PCDHGA1: variants seen among roughly 807,000 people sequenced by gnomAD.
The protein encoded by PCDHGA1 is protocadherin gamma subfamily A, 1.
In PCDHGA1, 32 loss-of-function variants were observed where a neutral mutation model predicts 58.0. That is an observed-to-expected ratio of 0.55 (90% confidence interval 0.42 to 0.74). The LOEUF (loss-of-function observed/expected upper bound fraction) is 0.74. Among genes scored for constraint, PCDHGA1 ranks in the 30% least tolerant of loss-of-function variants. PCDHGA1 has a pLI of 0.00. For missense variants in PCDHGA1, 1,205 were observed against 1,182.3 expected (o/e 1.02, Z -0.28); for synonymous variants, 498 against 501.1 (o/e 0.99, Z 0.08).
intron 1 of PCDHGA1, chr5:141,404,653 C>A (rs754039673): frequency 2.4e-5 from 39 of 1,614,206 alleles, no homozygotes; most frequent in Non-Finnish European, 3.1e-5. Flanking sequence ...ACCCTGCCCT[C>A]CCCACTGATG....
intron 1 of PCDHGA1, chr5:141,426,221 A>G (rs1279749881): frequency 6.3e-6 from 1 of 158,300 alleles, no homozygotes; most frequent in Non-Finnish European, 1.4e-5. Context: ...GGAAGTAAAT[A>G]TTTTAAAAGC....
intron 1 of PCDHGA1, chr5:141,423,114 A>G: frequency 1.9e-6 from 3 of 1,613,848 alleles, no homozygotes; most frequent in Non-Finnish European, 1.7e-6. Context: ...AGGTGCGTAC[A>G]GCGCGGGCAC....
rs771124496 is a variant in PCDHGA1, at chr5:141,489,457, C to T, written c.2422-5350C>T. The T allele has an allele frequency of 1.2e-5, 19 of 1,613,882 alleles. No homozygotes were observed. The highest frequency in any genetic ancestry group is 6.7e-5 in the African/African-American group (5 of 74,896). Reference sequence around the variant, plus strand: ...GCAATTGGGCTCTGAGGAGAATGGGCGCTATTTTTCCCTGAGCTTGATGAG... The same window carrying T: ...GCAATTGGGCTCTGAGGAGAATGGGTGCTATTTTTCCCTGAGCTTGATGAG... On this transcript the variant is annotated intron_variant, in intron 1 of 3. Coordinates refer to ENST00000517417, the MANE Select transcript of PCDHGA1 (RefSeq NM_018912.3). The surrounding 1 kb of genome is among the most constrained non-coding windows in gnomAD (Gnocchi z 4.5).
At chr5:141,352,233 TA>T (rs1758954803) in intron 1 of PCDHGA1, 1 of 1,613,962 alleles carries the variant, frequency 6.2e-7, no homozygotes, top group Non-Finnish European at 8.5e-7. Flanking sequence ...ACGCTGCACC[TA>T]ATCTTCGCGG....
chr5:141,365,956 T>C (rs757991507), intron 1 of PCDHGA1: 1 of 1,614,208 alleles, frequency 6.2e-7, no homozygotes, highest in South Asian at 1.1e-5. Flanking sequence ...ACCCTCCACT[T>C]AGCAGCAACG....
intron 1 of PCDHGA1, chr5:141,355,718 A>G (rs1398891270): frequency 2.5e-6 from 4 of 1,613,872 alleles, no homozygotes; most frequent in Non-Finnish European, 3.4e-6. Context: ...TACCAGCTCA[A>G]CTCAAACGGT....
chr5:141,387,144 G>C (rs2090840258), intron 1 of PCDHGA1, among the ~76,000 whole-genome samples: 1 of 152,168 alleles, frequency 6.6e-6, no homozygotes, highest in Admixed American at 6.5e-5. Context: ...ATTGGGAAGG[G>C]GGTGTATTTG....
intron 1 of PCDHGA1, among the ~76,000 whole-genome samples, chr5:141,470,239 A>G (rs978204909): frequency 1.3e-5 from 2 of 152,232 alleles, no homozygotes; most frequent in African/African-American, 2.4e-5. Flanking sequence ...AAACCCTTGA[A>G]TGTCCCACCT....
chr5:141,422,070 A>G (rs1202364320), intron 1 of PCDHGA1: 3 of 1,612,480 alleles, frequency 1.9e-6, no homozygotes, highest in Non-Finnish European at 2.5e-6. Context: ...TAATGTATTC[A>G]TTTCGGAACA....
chr5:141,468,853 G>A (rs893773356), intron 1 of PCDHGA1, among the ~76,000 whole-genome samples: 7 of 151,000 alleles, frequency 4.6e-5, no homozygotes, highest in Admixed American at 6.6e-5. Context: ...GCAACAGAGC[G>A]AGACTCCATC....
chr5:141,403,482 A>C (rs764737675), intron 1 of PCDHGA1: 2 of 1,613,892 alleles, frequency 1.2e-6, no homozygotes, highest in Non-Finnish European at 1.7e-6. Flanking sequence ...CCCAATCACC[A>C]CTTCTCCCTG....
chr5:141,408,022 G>A (rs915978239), intron 1 of PCDHGA1: 1 of 1,056,122 alleles, frequency 9.5e-7, no homozygotes, highest in Non-Finnish European at 1.3e-6. Context: ...GCCAACAACA[G>A]AAAGAAGAAA....
At chr5:141,510,849 G>C (rs959784028) in intron 3 of PCDHGA1, 98 bp from the exon 4 acceptor site, 10 of 1,596,568 alleles carry the variant, frequency 6.3e-6, no homozygotes, top group Middle Eastern at 1.7e-4. Flanking sequence ...CAAGGCCCAG[G>C]GTGCTGTATA....
chr5:141,503,598 CAAAAA>C (rs765754054), intron 2 of PCDHGA1, among the ~76,000 whole-genome samples: 1 of 65,760 alleles, frequency 1.5e-5, no homozygotes, highest in African/African-American at 4.7e-5. Context: ...GACTCCAGCT[CAAAAA>C]AAAAAAAAAA....
chr5:141,422,940 C>G, intron 1 of PCDHGA1: 3 of 1,614,242 alleles, frequency 1.9e-6, no homozygotes, highest in Non-Finnish European at 1.7e-6. Context: ...TCCCCACAGA[C>G]GGCTCCACTG....
At chr5:141,410,619 C>T (rs757187051) in intron 1 of PCDHGA1, 8 of 1,603,614 alleles carry the variant, frequency 5.0e-6, no homozygotes, top group Admixed American at 3.3e-5. Flanking sequence ...ACTCTGACTT[C>T]GGTGAGTTTC....
rs538734954 is a variant in PCDHGA1 at position 141,494,863 on chromosome 5, C to T, written c.2478C>T (p.Ser826=). The change falls in exon 2 of 4, where the codon AGC becomes AGT. Residue 826 remains serine, a splice_region_variant and synonymous_variant. Coordinates refer to ENST00000517417, the MANE Select transcript of PCDHGA1 (RefSeq NM_018912.3). The part of the protein sequence containing the change: ...RFSQAQRPGT[S]GSQNGDDTGT... ...CTCAGGCCCAGAGACCCGGCACCAG[C>T]GGGTAGGTGACTGATTCTCCAGCCC... 2 of 1,614,118 alleles carry T rather than the reference C, an allele frequency of 1.2e-6. No individual in the cohort carries two copies. Among genetic ancestry groups the T allele is most frequent in the East Asian group, 2.2e-5 (1 of 44,874 alleles).
At position 141,360,554 on chromosome 5, in the gene PCDHGA1, T is replaced by C. The variant is rs779397375; in HGVS notation, c.2421+27449T>C. ...CTATTCAAACAGACTAAGATTAATT[T>C]AAAAATTGGCGAATCCACTAAGCCA... is the stretch of plus-strand genomic sequence containing the variant. On this transcript the variant is annotated intron_variant, in intron 1 of 3. Transcript: ENST00000517417. 1.9e-6 allele frequency: 3 copies of C among 1,613,978 alleles called. No individual in the cohort carries two copies. The East Asian group carries it at 6.7e-5, about 36-fold the overall frequency.
chr5:141,361,182 G>C, intron 1 of PCDHGA1: 1 of 1,613,884 alleles, frequency 6.2e-7, no homozygotes, highest in Non-Finnish European at 8.5e-7. Context: ...AAGTTATTGT[G>C]ACTTCAGTAT....
Sources: gnomAD v4.1 joint callset for allele counts (sites outside exome capture counted in the v4.1 genomes callset) on GRCh38, gnomAD v4.1.1 for gene constraint, Gnocchi (gnomAD v3.1) non-coding constraint, MANE v1.5 for transcripts, NCBI Gene and HGNC (gene_info 2026-07-23, HGNC 2026-07-21) for gene names.